GRIN2B: variants seen among roughly 807,000 people sequenced by gnomAD.
The protein encoded by GRIN2B is glutamate receptor ionotropic, NMDA 2B.
Under a neutral mutation model 114.5 loss-of-function variants are expected in GRIN2B, and 5 were observed. The ratio of observed to expected loss-of-function variants is 0.04; its 90% confidence interval spans 0.02 to 0.09. The LOEUF is 0.09. GRIN2B is among the 10% of genes least tolerant of loss of function. The pLI, the probability that GRIN2B is intolerant of heterozygous loss-of-function variation, is 1.00. For synonymous variants in GRIN2B, 787 were observed against 745.1 expected (o/e 1.06, Z -0.92); for missense variants, 1,108 against 1,943.5 (o/e 0.57, Z 8.08).
chr12:13,650,660 C>T (rs1212621406), intron 5 of GRIN2B, among the ~76,000 whole-genome samples: 1 of 152,056 alleles, frequency 6.6e-6, no homozygotes, highest in East Asian at 1.9e-4. Flanking sequence ...TCCATCTTCT[C>T]AATGAGGTCT....
At chr12:13,706,143 C>T (rs1950358161) in intron 4 of GRIN2B, among the ~76,000 whole-genome samples, 1 of 152,166 alleles carries the variant, frequency 6.6e-6, no homozygotes, top group Middle Eastern at 3.4e-3. Context: ...CCACCAAGAC[C>T]TCTAGAGGTC....
chr12:13,938,611 C>CA (rs1016749407), intron 2 of GRIN2B, among the ~76,000 whole-genome samples: 3 of 151,892 alleles, frequency 2.0e-5, no homozygotes, highest in African/African-American at 7.3e-5. Flanking sequence ...GTTTGCTAAG[C>CA]AAAAAAAGCT....
chr12:13,771,282 T>C (rs898411745), intron 3 of GRIN2B, among the ~76,000 whole-genome samples: 4 of 152,162 alleles, frequency 2.6e-5, no homozygotes, highest in Middle Eastern at 3.2e-3. Context: ...AAACTGTGAG[T>C]CAATTAAACC....
intron 4 of GRIN2B, among the ~76,000 whole-genome samples, chr12:13,711,445 T>C (rs1179154577): frequency 6.6e-6 from 1 of 152,180 alleles, no homozygotes; most frequent in East Asian, 1.9e-4. Context: ...ACAGGCAACC[T>C]ACAGAATGGG....
Position 13,557,193 on chromosome 12 carries a change from C to T in GRIN2B, c.*5590G>A, listed in dbSNP as rs1325334551. The T allele has an allele frequency of 6.6e-6, 1 of 152,098 alleles. No individual in the cohort carries two copies. Among genetic ancestry groups the T allele is most frequent in the African/African-American group, 2.4e-5 (1 of 41,404 alleles). 9.4% of individuals were successfully genotyped at this position (152,098 alleles called of 1,614,324 possible). ...TTTATACAATACTGCAACCCCACCC[C>T]CCAAACTAGAATAGAATCCTAGATT... On this transcript the variant is annotated 3_prime_UTR_variant, in exon 14 of 14. Transcript: ENST00000609686.
chr12:13,936,942 A>T (rs1194745079), intron 2 of GRIN2B, among the ~76,000 whole-genome samples: 1 of 152,068 alleles, frequency 6.6e-6, no homozygotes, highest in Non-Finnish European at 1.5e-5. Flanking sequence ...CAAATTGGAG[A>T]TGGCAGAGAG....
At chr12:13,616,422 A>G in intron 6 of GRIN2B, 33 bp downstream of exon 6, 1 of 1,543,680 alleles carries the variant, frequency 6.5e-7, no homozygotes, top group Non-Finnish European at 9.0e-7. Flanking sequence ...TGACTCTCCC[A>G]TGCCACCCAA....
At chr12:13,971,103 G>A (rs1222825869) in intron 2 of GRIN2B, among the ~76,000 whole-genome samples, 1 of 152,140 alleles carries the variant, frequency 6.6e-6, no homozygotes, top group East Asian at 1.9e-4. Context: ...TGTGGGGCCA[G>A]CCAGTAGATA....
chr12:13,784,538 T>C (rs1392455265), intron 3 of GRIN2B, among the ~76,000 whole-genome samples: 1 of 152,068 alleles, frequency 6.6e-6, no homozygotes, highest in Non-Finnish European at 1.5e-5. Flanking sequence ...TGTCTCCCCA[T>C]TGAGAGCTAT....
chr12:13,722,637 T>C (rs1313830530), intron 4 of GRIN2B, among the ~76,000 whole-genome samples: 3 of 152,020 alleles, frequency 2.0e-5, no homozygotes, highest in African/African-American at 4.8e-5. Flanking sequence ...AAAGAGGATA[T>C]GTAATAGGCT....
intron 3 of GRIN2B, among the ~76,000 whole-genome samples, chr12:13,754,803 A>G (rs1322746090): frequency 6.6e-6 from 1 of 152,054 alleles, no homozygotes. Context: ...TGACCTGGGC[A>G]TTGCACACAC....
At chr12:13,894,668 TA>T (rs1399504489) in intron 2 of GRIN2B, among the ~76,000 whole-genome samples, 3 of 152,162 alleles carry the variant, frequency 2.0e-5, no homozygotes, top group Non-Finnish European at 4.4e-5. Context: ...TTATTAAAGT[TA>T]TATGTTAAAC....
chr12:13,589,871 A>T (rs1032148809), intron 10 of GRIN2B, among the ~76,000 whole-genome samples: 6 of 152,174 alleles, frequency 3.9e-5, no homozygotes, highest in Admixed American at 3.3e-4. Flanking sequence ...CCAAACTCAC[A>T]TCTAACTTGA....
chr12:13,632,875 C>G (rs1949628572), intron 5 of GRIN2B, among the ~76,000 whole-genome samples: 1 of 152,276 alleles, frequency 6.6e-6, no homozygotes, highest in African/African-American at 2.4e-5. Context: ...TATCTCAGAC[C>G]AATTATATTG....
intron 2 of GRIN2B, among the ~76,000 whole-genome samples, chr12:13,954,792 G>T (rs1336929781): frequency 3.1e-5 from 1 of 32,088 alleles, no homozygotes; most frequent in Non-Finnish European, 9.5e-5. Flanking sequence ...CTGGGTGACA[G>T]AGTGAGACTC....
chr12:13,741,179 G>A (rs1039152257), intron 4 of GRIN2B, among the ~76,000 whole-genome samples: 2 of 152,090 alleles, frequency 1.3e-5, no homozygotes, highest in Non-Finnish European at 2.9e-5. Flanking sequence ...ACAGGCATCC[G>A]CCACCACGCC....
At chr12:13,812,033 G>T (rs220590) in intron 3 of GRIN2B, among the ~76,000 whole-genome samples, 1 of 152,014 alleles carries the variant, frequency 6.6e-6, no homozygotes, top group South Asian at 2.1e-4. Flanking sequence ...TCCGTGACTC[G>T]TGGCCAATCT....
chr12:13,805,866 C>T lies in GRIN2B; in HGVS notation c.412-51951G>A, dbSNP rs544360994. On this transcript the variant is annotated intron_variant, in intron 3 of 13. Transcript: ENST00000609686. ...ACGTGGTCTAACTGGAATTTTGTAT[C>T]CTTTGATCAACATACCCCAATTCCT... Among the ~76,000 whole-genome samples the T allele has an allele frequency of 1.7e-4, 26 of 152,178 alleles. No individual in the cohort carries two copies. In the South Asian group the frequency reaches 5.2e-3, roughly 30 times the overall value.
At chr12:13,906,609 G>C (rs1448069924) in intron 2 of GRIN2B, among the ~76,000 whole-genome samples, 1 of 152,184 alleles carries the variant, frequency 6.6e-6, no homozygotes, top group Non-Finnish European at 1.5e-5. Context: ...AAAAGAGAAT[G>C]TAAGTGTTTA....
Sources: allele counts gnomAD v4.1 joint callset (sites outside exome capture counted in the v4.1 genomes callset), GRCh38; gene constraint gnomAD v4.1.1; transcripts MANE v1.5; gene names NCBI Gene and HGNC (gene_info 2026-07-23, HGNC 2026-07-21).